Variants in COL19A1 observed in about 807,000 individuals in gnomAD.
COL19A1 encodes collagen alpha-1(XIX) chain.
In COL19A1, 159 loss-of-function variants were observed where a neutral mutation model predicts 190.2. The ratio of observed to expected loss-of-function variants is 0.84; its 90% CI spans 0.73 to 0.95. The LOEUF is 0.95. Ranked by LOEUF, COL19A1 falls within the 40% of genes least tolerant of loss-of-function variation. The pLI is 0.00. For synonymous variants in COL19A1, 509 were observed against 458.9 expected (o/e 1.11, Z -1.39); for missense variants, 1,418 against 1,431.9 (o/e 0.99, Z 0.16).
At chr6:70,082,057 T>C (rs1159011423) in intron 15 of COL19A1, among the ~76,000 whole-genome samples, 3 of 152,184 alleles carry the variant, frequency 2.0e-5, no homozygotes, top group Non-Finnish European at 4.4e-5. Context: ...CAGTGAAAAG[T>C]TATCTTCAAA....
chr6:69,968,052 C>T (rs1582554996), intron 11 of COL19A1, among the ~76,000 whole-genome samples: 1 of 152,144 alleles, frequency 6.6e-6, no homozygotes, highest in East Asian at 1.9e-4. Flanking sequence ...TTTCAGATGA[C>T]ATAATTCAAA....
chr6:70,103,987 C>G (rs1340176312), intron 16 of COL19A1, among the ~76,000 whole-genome samples: 1 of 152,116 alleles, frequency 6.6e-6, no homozygotes, highest in Non-Finnish European at 1.5e-5. Context: ...CACCCTGCAC[C>G]ACCACTAGAG....
At chr6:70,194,267 G>A (rs1767059706) in intron 48 of COL19A1, among the ~76,000 whole-genome samples, 1 of 152,182 alleles carries the variant, frequency 6.6e-6, no homozygotes, top group Non-Finnish European at 1.5e-5. Flanking sequence ...AGACCAGGAT[G>A]ACCCAAACTT....
intron 47 of COL19A1, among the ~76,000 whole-genome samples, chr6:70,189,829 T>A (rs888537782): frequency 2.6e-5 from 4 of 152,216 alleles, no homozygotes; most frequent in Admixed American, 2.6e-4. Flanking sequence ...ATCCCATGAA[T>A]ACAACATTTT....
chr6:69,909,778 A>T (rs1770788653), intron 4 of COL19A1, among the ~76,000 whole-genome samples: 1 of 152,148 alleles, frequency 6.6e-6, no homozygotes, highest in Admixed American at 6.5e-5. Context: ...TCCCCACCAC[A>T]TCCAGATGGC....
intron 11 of COL19A1, among the ~76,000 whole-genome samples, chr6:70,022,812 T>C (rs1206190804): frequency 6.6e-6 from 1 of 152,234 alleles, no homozygotes; most frequent in East Asian, 1.9e-4. Context: ...AATCCATTCG[T>C]TGTCTCTATA....
At chr6:69,950,877 T>G (rs1774088106) in intron 9 of COL19A1, among the ~76,000 whole-genome samples, 1 of 151,922 alleles carries the variant, frequency 6.6e-6, no homozygotes, top group Non-Finnish European at 1.5e-5. Flanking sequence ...CATTTCATAC[T>G]TCACTTATGT....
intron 31 of COL19A1, among the ~76,000 whole-genome samples, chr6:70,154,115 C>A (rs148995154): frequency 2.1e-5 from 3 of 145,724 alleles, no homozygotes; most frequent in Non-Finnish European, 3.0e-5. Context: ...CTACCCCCCC[C>A]AACCCCCCAC....
chr6:69,888,525 G>A (rs1401825632), intron 2 of COL19A1, among the ~76,000 whole-genome samples: 1 of 152,006 alleles, frequency 6.6e-6, no homozygotes, highest in Non-Finnish European at 1.5e-5. Context: ...AAAAAAGAGA[G>A]AGCACCTGTA....
At chr6:70,185,023 T>C in intron 46 of COL19A1, 108 bp downstream of exon 46, 1 of 1,035,450 alleles carries the variant, frequency 9.7e-7, no homozygotes, top group Non-Finnish European at 1.4e-6. Context: ...ACCAAATCTA[T>C]AAAGGCTAGG....
intron 31 of COL19A1, among the ~76,000 whole-genome samples, chr6:70,151,719 T>C (rs973121389): frequency 6.6e-6 from 1 of 152,058 alleles, no homozygotes; most frequent in Non-Finnish European, 1.5e-5. Flanking sequence ...AGGGAAGGAA[T>C]TATGTCATTA....
At chr6:70,039,985 TA>T (rs2150122102) in intron 14 of COL19A1, among the ~76,000 whole-genome samples, 1 of 151,964 alleles carries the variant, frequency 6.6e-6, no homozygotes, top group East Asian at 1.9e-4. Context: ...AGGCTGGTCT[TA>T]AACTCCTGAG....
At chr6:70,195,877 G>C (rs1562262752) in intron 48 of COL19A1, among the ~76,000 whole-genome samples, 1 of 152,124 alleles carries the variant, frequency 6.6e-6, no homozygotes, top group Non-Finnish European at 1.5e-5. Context: ...CCAAAATTGT[G>C]CTGCTATTGT....
chr6:70,144,769 G>T, intron 24 of COL19A1, 149 bp from the exon 25 acceptor site: 1 of 653,804 alleles, frequency 1.5e-6, no homozygotes, highest in Non-Finnish European at 2.8e-6. Flanking sequence ...AAATATTATT[G>T]AGTGAGTTGG....
At chr6:70,079,599 C>CTGCG (rs1165324928) in intron 15 of COL19A1, among the ~76,000 whole-genome samples, 2 of 152,136 alleles carry the variant, frequency 1.3e-5, no homozygotes, top group Non-Finnish European at 2.9e-5. Context: ...AGGGAGGAGA[C>CTGCG]TGCGAACTGA....
chr6:70,071,357 A>T (rs1781544692), intron 15 of COL19A1, among the ~76,000 whole-genome samples: 1 of 152,044 alleles, frequency 6.6e-6, no homozygotes, highest in Non-Finnish European at 1.5e-5. Context: ...TGAAATTTTG[A>T]TTAGTTGATT....
intron 17 of COL19A1, among the ~76,000 whole-genome samples, chr6:70,127,574 G>T (rs1266372158): frequency 6.6e-6 from 1 of 152,164 alleles, no homozygotes; most frequent in Admixed American, 6.5e-5. Context: ...TGCTGATAAA[G>T]ACATACCCTA....
chr6:70,177,180 T>G (rs566043821), intron 42 of COL19A1, among the ~76,000 whole-genome samples: 2 of 152,302 alleles, frequency 1.3e-5, no homozygotes, highest in South Asian at 2.1e-4. Context: ...TGATCTTCAT[T>G]CATGATGCTC....
intron 6 of COL19A1, among the ~76,000 whole-genome samples, chr6:69,930,653 C>G (rs967506959): frequency 2.0e-5 from 3 of 151,906 alleles, no homozygotes; most frequent in Non-Finnish European, 4.4e-5. Flanking sequence ...CCTGTCTCTA[C>G]TAAAAATACA....
Sources: allele counts gnomAD v4.1 joint callset (sites outside exome capture counted in the v4.1 genomes callset), GRCh38; gene constraint gnomAD v4.1.1; transcripts MANE v1.5; gene names NCBI Gene and HGNC (gene_info 2026-07-23, HGNC 2026-07-21).